Variants in PDE8B observed in about 807,000 individuals in gnomAD.
PDE8B encodes the protein phosphodiesterase 8B.
In PDE8B, 26 loss-of-function variants were observed where a neutral mutation model predicts 101.3. That is an observed-to-expected ratio of 0.26 (90% CI 0.19 to 0.36). PDE8B has a LOEUF of 0.36. Among genes scored for constraint, PDE8B ranks in the 10% least tolerant of loss-of-function variants. The pLI is 1.00. For missense variants in PDE8B, 810 were observed against 1,163.1 expected (o/e 0.70, Z 4.42); for synonymous variants, 424 against 429.3 (o/e 0.99, Z 0.15).
At chr5:77,321,980 GCAGT>G (rs1035837478) in intron 2 of PDE8B, among the ~76,000 whole-genome samples, 2 of 152,154 alleles carry the variant, frequency 1.3e-5, no homozygotes, top group African/African-American at 4.8e-5. Flanking sequence ...GGGAAGCACC[GCAGT>G]CAGTCAGGAG....
intron 10 of PDE8B, among the ~76,000 whole-genome samples, chr5:77,373,225 T>G (rs1785386349): frequency 6.6e-6 from 1 of 152,234 alleles, no homozygotes; most frequent in South Asian, 2.1e-4. Context: ...GTTCTTATCC[T>G]TATTATTTCC....
intron 1 of PDE8B, among the ~76,000 whole-genome samples, chr5:77,259,949 G>A (rs1282622706): frequency 1.3e-5 from 2 of 152,074 alleles, no homozygotes; most frequent in Non-Finnish European, 2.9e-5. Flanking sequence ...ATCATCTGAG[G>A]TCAGGAGATC....
At chr5:77,212,771 A>G (rs1043991241) in intron 1 of PDE8B, among the ~76,000 whole-genome samples, 1 of 152,174 alleles carries the variant, frequency 6.6e-6, no homozygotes, top group Admixed American at 6.5e-5. Context: ...CCCTGTTCAC[A>G]CAAAGTTAGC....
At chr5:77,215,618 T>A (rs911712256) in intron 1 of PDE8B, among the ~76,000 whole-genome samples, 1 of 152,202 alleles carries the variant, frequency 6.6e-6, no homozygotes, top group African/African-American at 2.4e-5. Context: ...ATGATATAGT[T>A]TCTACTGAAA....
rs534942280 is a variant in PDE8B at position 77,415,428 on chromosome 5, G to T, written c.1911+2119G>T. ...GTTGGAGTGCAATGGCATGATCTTG[G>T]CTCACTGCAACCTCTGCCTCCCAGG... On this transcript the variant is annotated intron_variant, in intron 17 of 21. Coordinates refer to ENST00000264917, the MANE Select transcript of PDE8B (RefSeq NM_003719.5). 8.4e-5 allele frequency among the ~76,000 whole-genome samples: 12 copies of T among 143,124 alleles called. No homozygotes were observed. In the South Asian group the frequency reaches 1.6e-3, roughly 19 times the overall value. 93.9% of individuals were successfully genotyped at this position (143,124 alleles called of 152,430 possible).
At chr5:77,287,971 C>G (rs980487284) in intron 1 of PDE8B, among the ~76,000 whole-genome samples, 4 of 151,956 alleles carry the variant, frequency 2.6e-5, no homozygotes, top group African/African-American at 9.7e-5. Flanking sequence ...CTTTTTTTCC[C>G]TTATAACTGC....
chr5:77,404,876 G>C, intron 12 of PDE8B, 79 bp downstream of exon 12: 1 of 884,182 alleles, frequency 1.1e-6, no homozygotes, highest in South Asian at 1.4e-5. Flanking sequence ...ATTCATCAGC[G>C]TATAAACTCC....
At chr5:77,260,117 A>G (rs1760168435) in intron 1 of PDE8B, among the ~76,000 whole-genome samples, 1 of 140,910 alleles carries the variant, frequency 7.1e-6, no homozygotes, top group Non-Finnish European at 1.5e-5. Context: ...ACATCACGCC[A>G]TTGTGCTCCA....
chr5:77,129,194 G>C, the PDE8B span, among the ~76,000 whole-genome samples: 3 of 152,124 alleles, frequency 2.0e-5, no homozygotes, highest in Non-Finnish European at 4.4e-5. Flanking sequence ...GGGGGAAAAG[G>C]AGGACAGATG....
rs1399120360 is a variant in PDE8B at position 77,210,764 on chromosome 5, G to A, written c.-162G>A. On this transcript the variant is annotated 5_prime_UTR_variant, in exon 1 of 22. Transcript: ENST00000264917. The surrounding 1 kb of genome is among the most constrained non-coding windows in gnomAD (Gnocchi z 4.9). ...CGCGCGCGGTCCCCGGAGGCTCGGC[G>A]GGGGGCACCGCGGCCAGCCCGACGG... 97 of 982,350 alleles carry A rather than the reference G, an allele frequency of 9.9e-5. No individual in the cohort carries two copies. The Middle Eastern group carries it at 1.6e-3, about 16-fold the overall frequency. The allele number at this position is 982,350 out of a possible 1,614,324, so 60.9% of individuals were successfully genotyped here. A position where few individuals can be genotyped will look rare whatever the true frequency, so the allele number is the denominator to read the frequency against.
chr5:77,377,201 C>G (rs1786300321), intron 10 of PDE8B, among the ~76,000 whole-genome samples: 1 of 152,112 alleles, frequency 6.6e-6, no homozygotes, highest in Admixed American at 6.6e-5. Context: ...AAAATCAATC[C>G]TGAAAGAGCA....
chr5:77,095,443 C>T, the PDE8B span, among the ~76,000 whole-genome samples: 1 of 152,172 alleles, frequency 6.6e-6, no homozygotes, highest in East Asian at 1.9e-4. Flanking sequence ...GAAATGATCC[C>T]ATTGTTTATT....
intron 1 of PDE8B, among the ~76,000 whole-genome samples, chr5:77,308,868 A>G (rs1220065133): frequency 2.6e-5 from 4 of 152,088 alleles, no homozygotes; most frequent in Non-Finnish European, 5.9e-5. Flanking sequence ...CTTCATGCAC[A>G]TATTGATTAT....
At chr5:77,091,362 A>C in the PDE8B span, among the ~76,000 whole-genome samples, 1 of 152,132 alleles carries the variant, frequency 6.6e-6, no homozygotes, top group African/African-American at 2.4e-5. Flanking sequence ...ATAAATGGCC[A>C]GGTGCAGTGG....
chr5:77,235,022 A>G (rs1754387094), intron 1 of PDE8B, among the ~76,000 whole-genome samples: 1 of 152,152 alleles, frequency 6.6e-6, no homozygotes, highest in African/African-American at 2.4e-5. Context: ...CCAACCCATT[A>G]GGGCTATTCT....
chr5:77,205,449 C>T (rs2112260763), upstream of PDE8B, among the ~76,000 whole-genome samples: 1 of 152,170 alleles, frequency 6.6e-6, no homozygotes, highest in African/African-American at 2.4e-5. Context: ...CTTTTTTCCT[C>T]TCTGGGTGTC....
At chr5:77,170,290 G>A in the PDE8B span, among the ~76,000 whole-genome samples, 3 of 152,164 alleles carry the variant, frequency 2.0e-5, no homozygotes, top group African/African-American at 7.2e-5. Context: ...CTCTGTGCCA[G>A]GTACAATATT....
At chr5:77,343,359 C>G (rs1463856098) in intron 6 of PDE8B, among the ~76,000 whole-genome samples, 2 of 152,204 alleles carry the variant, frequency 1.3e-5, no homozygotes, top group Admixed American at 1.3e-4. Flanking sequence ...GCTTACTACA[C>G]ACTTAGGCTA....
intron 1 of PDE8B, 68 bp from the exon 2 acceptor site, chr5:77,311,926 G>T (rs112579475): frequency 1.6e-6 from 2 of 1,241,846 alleles, no homozygotes; most frequent in Non-Finnish European, 2.4e-6. Context: ...AATGCGTTGC[G>T]TAAGGAAGGA....
Sources: allele counts gnomAD v4.1 joint callset (sites outside exome capture counted in the v4.1 genomes callset), GRCh38; gene constraint gnomAD v4.1.1; non-coding constraint Gnocchi (gnomAD v3.1); transcripts MANE v1.5; gene names NCBI Gene and HGNC (gene_info 2026-07-23, HGNC 2026-07-21).